Variants in TSPAN12 observed in about 807,000 individuals in gnomAD.
TSPAN12 encodes tetraspanin 12.
A neutral mutation model predicts 39.2 loss-of-function variants in TSPAN12; 19 were observed. The ratio of observed to expected loss-of-function variants is 0.49; its 90% CI spans 0.34 to 0.71. The LOEUF is 0.71. Ranked by LOEUF, TSPAN12 falls within the 30% of genes least tolerant of loss-of-function variation. The probability of loss-of-function intolerance (pLI) is 0.01; values close to 1 mark genes in which losing one functional copy is unlikely to be tolerated. For synonymous variants in TSPAN12, 119 were observed against 124.8 expected (o/e 0.95, Z 0.31); for missense variants, 314 against 359.9 (o/e 0.87, Z 1.03).
intron 5 of TSPAN12, among the ~76,000 whole-genome samples, chr7:120,810,798 G>A (rs1314588258): frequency 6.6e-6 from 1 of 152,098 alleles, no homozygotes; most frequent in Non-Finnish European, 1.5e-5. Flanking sequence ...AAATGAAGAG[G>A]TATTTTGTAC....
At chr7:120,826,222 G>A (rs556758291) in intron 4 of TSPAN12, among the ~76,000 whole-genome samples, 19 of 152,194 alleles carry the variant, frequency 1.2e-4, no homozygotes, top group Non-Finnish European at 2.4e-4. Context: ...AAATTAGTAA[G>A]GGTTTGCTTC....
chr7:120,843,576 C>G (rs1379932252), intron 2 of TSPAN12, among the ~76,000 whole-genome samples: 1 of 152,220 alleles, frequency 6.6e-6, no homozygotes, highest in Non-Finnish European at 1.5e-5. Flanking sequence ...CCCATAGGAA[C>G]CATGGTATAA....
intron 3 of TSPAN12, 85 bp from the exon 4 acceptor site, chr7:120,838,997 G>T: frequency 7.1e-7 from 1 of 1,403,566 alleles, no homozygotes; most frequent in Non-Finnish European, 1.0e-6. Context: ...TGTGATTTGT[G>T]TTAATAATTC....
At chr7:120,799,860 AAT>A (rs1315774175) in intron 7 of TSPAN12, among the ~76,000 whole-genome samples, 5 of 140,024 alleles carry the variant, frequency 3.6e-5, no homozygotes, top group South Asian at 2.1e-4. Context: ...TTTAATAATT[AAT>A]ATGATATATT....
chr7:120,838,965 A>G, intron 3 of TSPAN12, 53 bp from the exon 4 acceptor site: 1 of 1,570,962 alleles, frequency 6.4e-7, no homozygotes, highest in South Asian at 1.1e-5. Context: ...AAATGCACCC[A>G]AGACATAGCA....
intron 3 of TSPAN12, 136 bp downstream of exon 3, chr7:120,839,889 AGT>A (rs1794545512): frequency 4.3e-6 from 3 of 697,820 alleles, no homozygotes; most frequent in Admixed American, 2.1e-5. Flanking sequence ...GGAGGATGCA[AGT>A]GTCTGTGACA....
intron 1 of TSPAN12, 38 bp from the exon 2 acceptor site, chr7:120,856,871 ACC>A: frequency 8.4e-7 from 1 of 1,197,104 alleles, no homozygotes; most frequent in Non-Finnish European, 1.2e-6. Context: ...GGGACATCTC[ACC>A]ATCACGCTTC....
intron 4 of TSPAN12, among the ~76,000 whole-genome samples, chr7:120,831,827 C>G (rs1023051485): frequency 2.0e-5 from 3 of 151,884 alleles, no homozygotes; most frequent in African/African-American, 7.3e-5. Context: ...AATGTTCTCA[C>G]CACAAAAAAT....
At chr7:120,824,891 A>C (rs1794255466) in intron 4 of TSPAN12, among the ~76,000 whole-genome samples, 1 of 152,224 alleles carries the variant, frequency 6.6e-6, no homozygotes, top group Non-Finnish European at 1.5e-5. Flanking sequence ...AAACATAGGA[A>C]AAGATACTTT....
At chr7:120,814,047 A>T (rs986861198) in intron 5 of TSPAN12, 1 of 353,394 alleles carries the variant, frequency 2.8e-6, no homozygotes, top group African/African-American at 2.2e-5. Context: ...CTTCACAGAG[A>T]TACATATGTG....
chr7:120,855,150 A>AAAC (rs1055814790), intron 2 of TSPAN12, among the ~76,000 whole-genome samples: 11 of 152,174 alleles, frequency 7.2e-5, no homozygotes, highest in African/African-American at 2.2e-4. Flanking sequence ...ATTCTTTATT[A>AAAC]AACAACAACA....
chr7:120,854,965 G>A (rs1291651162), intron 2 of TSPAN12, among the ~76,000 whole-genome samples: 1 of 152,064 alleles, frequency 6.6e-6, no homozygotes, highest in Non-Finnish European at 1.5e-5. Context: ...TAAGTACAGG[G>A]TAACAACAAA....
chr7:120,853,384 AC>A (rs1244354254), intron 2 of TSPAN12, among the ~76,000 whole-genome samples: 3 of 150,866 alleles, frequency 2.0e-5, no homozygotes, highest in African/African-American at 7.3e-5. Flanking sequence ...GAGCCACTGC[AC>A]CCAGCCTCAA....
At chr7:120,854,170 A>T (rs980095946) in intron 2 of TSPAN12, among the ~76,000 whole-genome samples, 2 of 152,220 alleles carry the variant, frequency 1.3e-5, no homozygotes, top group African/African-American at 4.8e-5. Flanking sequence ...CATATTACCA[A>T]CAAGATGGCA....
chr7:120,829,662 G>T (rs1429243203), intron 4 of TSPAN12, among the ~76,000 whole-genome samples: 2 of 152,124 alleles, frequency 1.3e-5, no homozygotes, highest in African/African-American at 4.8e-5. Context: ...CGCTGAATTG[G>T]TGACCAGTAT....
chr7:120,853,315 A>G (rs1044642791), intron 2 of TSPAN12, among the ~76,000 whole-genome samples: 9 of 151,598 alleles, frequency 5.9e-5, no homozygotes, highest in African/African-American at 2.2e-4. Context: ...TATGGTCTCA[A>G]TCTCTTGACC....
chr7:120,840,392 C>A (rs1160257005), intron 2 of TSPAN12, among the ~76,000 whole-genome samples: 4 of 152,068 alleles, frequency 2.6e-5, no homozygotes, highest in African/African-American at 9.7e-5. Context: ...GGCCACAGAA[C>A]AAATAAATTA....
At chr7:120,792,839 A>G (rs1422345430) in intron 7 of TSPAN12, among the ~76,000 whole-genome samples, 2 of 152,256 alleles carry the variant, frequency 1.3e-5, no homozygotes, top group South Asian at 2.1e-4. Flanking sequence ...CTGTTCTCTT[A>G]AAGAAAAACA....
chr7:120,839,016 A>T, intron 3 of TSPAN12, 104 bp from the exon 4 acceptor site: 1 of 1,193,986 alleles, frequency 8.4e-7, no homozygotes, highest in Non-Finnish European at 1.2e-6. Context: ...TCTTTCAATC[A>T]TGATGCCTCA....
Sources: allele counts gnomAD v4.1 joint callset (sites outside exome capture counted in the v4.1 genomes callset), GRCh38; gene constraint gnomAD v4.1.1; transcripts MANE v1.5; gene names NCBI Gene and HGNC (gene_info 2026-07-23, HGNC 2026-07-21).